Variants in DHCR24 observed in about 807,000 individuals in gnomAD.
DHCR24 encodes the protein delta(24)-sterol reductase.
DHCR24 carries 28 observed loss-of-function variants against 61.2 expected under a neutral mutation model. The observed-to-expected ratio is 0.46, with a 90% confidence interval of 0.34 to 0.63. DHCR24 has a LOEUF of 0.63. DHCR24 is among the 20% of genes least tolerant of loss of function. DHCR24 has a pLI of 0.01. For missense variants in DHCR24, 538 were observed against 679.1 expected, an observed-to-expected ratio of 0.79 and a Z score of 2.31; for synonymous variants, 261 against 275.9, an observed-to-expected ratio of 0.95 and a Z score of 0.54.
intron 6 of DHCR24, among the ~76,000 whole-genome samples, chr1:54,862,070 A>C (rs1056140451): frequency 6.6e-6 from 1 of 152,024 alleles, no homozygotes; most frequent in Non-Finnish European, 1.5e-5. Context: ...TCTCCACCTG[A>C]GCTCAGGAGC....
chr1:54,882,785 TCAAA>T (rs892591348), intron 2 of DHCR24, among the ~76,000 whole-genome samples: 5 of 152,100 alleles, frequency 3.3e-5, no homozygotes, highest in African/African-American at 1.2e-4. Context: ...AACTCTAGAA[TCAAA>T]CTAATTTATA....
intron 4 of DHCR24, among the ~76,000 whole-genome samples, chr1:54,874,234 T>C (rs1460242051): frequency 6.6e-6 from 1 of 152,228 alleles, no homozygotes; most frequent in African/African-American, 2.4e-5. Context: ...TCTACAGTGG[T>C]GTACAGTAAT....
At position 54,871,461 on chromosome 1, in the gene DHCR24, G is replaced by A. The variant is rs763423346; in HGVS notation, c.765C>T (p.Phe255=). ...VRGLEAICAK[F]THESQRQENH... ...TCTCCTGCCGCTGGGACTCGTGGGT[G>A]AACTTGGCACAGATAGCCTCCAGGC... Residue 255 remains phenylalanine, a synonymous_variant, in exon 5 of 9, where the codon TTC becomes TTT. Coordinates refer to ENST00000371269, the MANE Select transcript of DHCR24 (RefSeq NM_014762.4). 2.5e-6 allele frequency: 4 copies of A among 1,614,202 alleles called. No homozygotes were observed. In the South Asian group the frequency reaches 4.4e-5, roughly 18 times the overall value.
intron 4 of DHCR24, among the ~76,000 whole-genome samples, chr1:54,872,114 A>G (rs1647003628): frequency 6.6e-6 from 1 of 152,026 alleles, no homozygotes; most frequent in African/African-American, 2.4e-5. Flanking sequence ...GCCCAGGGAG[A>G]GCGCTAGCAC....
Position 54,871,490 on chromosome 1 carries a change from G to T in DHCR24, c.736C>A (p.Arg246=). 1 of 1,614,226 alleles carries T rather than the reference G, an allele frequency of 6.2e-7. No homozygotes were observed. Reference sequence around the variant, plus strand: ...TTGGCACAGATAGCCTCCAGGCCCCGCACTGGCTCGAAACGCAGCTTGACG... The same window carrying T: ...TTGGCACAGATAGCCTCCAGGCCCCTCACTGGCTCGAAACGCAGCTTGACG... ...KYVKLRFEPV[R]GLEAICAKFT... is the part of the protein sequence containing the mutation. The change falls in exon 5 of 9, where the codon CGG becomes AGG. Residue 246 remains arginine, a synonymous_variant. Transcript: ENST00000371269.
chr1:54,855,221 C>G (rs553002938), intron 6 of DHCR24, among the ~76,000 whole-genome samples: 1 of 152,046 alleles, frequency 6.6e-6, no homozygotes, highest in Non-Finnish European at 1.5e-5. Context: ...GGTGAAACCC[C>G]GTTTCTACTA....
rs370228903 is a variant in DHCR24 at position 54,886,997 on chromosome 1, C to G, written c.123G>C (p.Pro41=). 6.2e-7 allele frequency: 1 copy of G among 1,613,618 alleles called. No homozygotes were observed. The highest frequency in any genetic ancestry group is 8.5e-7 in the Non-Finnish European group (1 of 1,179,732). ...AGTAGATATCGAAGATAAGCGAGAG[C>G]GGCAGGAGGAAGAGGCACACGAACA... ...RWVFVCLFLL[P]LSLIFDIYYY... The change falls in exon 1 of 9, where the codon CCG becomes CCC. Residue 41 remains proline, a synonymous_variant. Coordinates refer to ENST00000371269, the MANE Select transcript of DHCR24 (RefSeq NM_014762.4).
Position 54,886,920 on chromosome 1 carries a change from T to C in DHCR24, c.200A>G (p.His67Arg), listed in dbSNP as rs1647102231. 6.2e-7 allele frequency: 1 copy of C among 1,613,284 alleles called. No homozygotes were observed. Among genetic ancestry groups the C allele is most frequent in the Non-Finnish European group, 8.5e-7 (1 of 1,179,590 alleles). Residue 67 changes from histidine to arginine, a missense_variant, in exon 1 of 9, where the codon CAC (histidine) becomes CGC (arginine). Transcript: ENST00000371269. ...VFKLSSAPRL[H>R]EQRVRDIQKQ... is the part of the protein sequence containing the mutation. ...CTGGATGTCCCGCACGCGCTGCTCG[T>C]GCAGGCGCGGAGCGCTGCTGAGCTT...
intron 6 of DHCR24, among the ~76,000 whole-genome samples, chr1:54,857,326 A>G (rs1000773825): frequency 6.6e-6 from 1 of 152,250 alleles, no homozygotes; most frequent in Non-Finnish European, 1.5e-5. Context: ...GCCCAGCCTG[A>G]GCCAGGAACC....
At chr1:54,884,324 A>G (rs559496923) in intron 1 of DHCR24, among the ~76,000 whole-genome samples, 4 of 152,372 alleles carry the variant, frequency 2.6e-5, no homozygotes, top group African/African-American at 9.6e-5. Flanking sequence ...TTGTGGTAAC[A>G]GTTCACAGGG....
At chr1:54,884,843 T>C (rs1647084208) in intron 1 of DHCR24, among the ~76,000 whole-genome samples, 3 of 152,144 alleles carry the variant, frequency 2.0e-5, no homozygotes, top group African/African-American at 2.4e-5. Flanking sequence ...CGGTTGGATA[T>C]GAGCCAGAAA....
rs1361599121 is a variant in DHCR24 at position 54,883,151 on chromosome 1, T to C, written c.387+467A>G. 6.6e-6 allele frequency among the ~76,000 whole-genome samples: 1 copy of C among 152,202 alleles called. No homozygotes were observed. Among genetic ancestry groups the C allele is most frequent in the African/African-American group, 2.4e-5 (1 of 41,450 alleles). On this transcript the variant is annotated intron_variant, in intron 2 of 8. Transcript: ENST00000371269. The surrounding 1 kb of genome is among the most constrained non-coding windows in gnomAD (Gnocchi z 4.3). Reference sequence around the variant, plus strand: ...AATCACTCTGTGTTGGGTATCTTTATACTGAAGCCTATTTCCTTTTTCCTT... The same window carrying C: ...AATCACTCTGTGTTGGGTATCTTTACACTGAAGCCTATTTCCTTTTTCCTT...
chr1:54,873,076 G>T (rs925411210), intron 4 of DHCR24, among the ~76,000 whole-genome samples: 3 of 152,218 alleles, frequency 2.0e-5, no homozygotes, highest in Admixed American at 6.5e-5. Context: ...ATCCCAGTTT[G>T]GGTGGTAGAA....
intron 6 of DHCR24, among the ~76,000 whole-genome samples, chr1:54,863,935 C>T (rs1377615651): frequency 6.6e-6 from 1 of 152,152 alleles, no homozygotes; most frequent in Non-Finnish European, 1.5e-5. Flanking sequence ...AAACGGTTAA[C>T]ATGCATATAA....
intron 5 of DHCR24, among the ~76,000 whole-genome samples, chr1:54,866,211 G>A (rs1179209906): frequency 6.6e-6 from 1 of 152,162 alleles, no homozygotes; most frequent in African/African-American, 2.4e-5. Context: ...AGGGTGGGCA[G>A]CTGGGGACAC....
rs1646889583 is a variant in DHCR24, at chr1:54,853,499, A to G, written c.1332T>C (p.Arg444=). 3.7e-6 allele frequency: 6 copies of G among 1,614,164 alleles called. No homozygotes were observed. The East Asian group carries it at 1.1e-4, about 30-fold the overall frequency. The change falls in exon 8 of 9, where the codon CGT becomes CGC. Residue 444 remains arginine, a synonymous_variant. Coordinates refer to ENST00000371269, the MANE Select transcript of DHCR24 (RefSeq NM_014762.4). ...AGGACCTGGCTTCAAAGTGTTTCAC[A>G]CGCGGCTCCCCATATGCTCCAATGT... is the stretch of plus-strand genomic sequence containing the variant. ...YIDIGAYGEP[R]VKHFEARSCM... is the part of the protein sequence containing the mutation.
In DHCR24 at chr1:54,875,192, T is replaced by G; in HGVS notation, c.513A>C (p.Thr171=). 1 of 1,614,166 alleles carries G rather than the reference T, an allele frequency of 6.2e-7. No homozygotes were observed. ...DLTVGGLIMG[T]GIESSSHKYG... ...ACTTGTGGGATGATGACTCGATGCC[T>G]GTGCCCATGATCAAGCCCCCTGCAG... is the stretch of plus-strand genomic sequence containing the variant. The change falls in exon 4 of 9, where the codon ACA becomes ACC. Residue 171 remains threonine, a synonymous_variant. Transcript: ENST00000371269.
intron 1 of DHCR24, among the ~76,000 whole-genome samples, chr1:54,885,260 G>A (rs1048720928): frequency 2.0e-5 from 3 of 152,142 alleles, no homozygotes; most frequent in South Asian, 2.1e-4. Flanking sequence ...ACCAGGTCTC[G>A]TCCCTGCCTG....
At chr1:54,884,374 C>A (rs564249583) in intron 1 of DHCR24, among the ~76,000 whole-genome samples, 2 of 152,236 alleles carry the variant, frequency 1.3e-5, no homozygotes, top group South Asian at 4.2e-4. Flanking sequence ...CATGCCAAGG[C>A]CTGTTTAAAC....
Sources: allele counts gnomAD v4.1 joint callset (sites outside exome capture counted in the v4.1 genomes callset), GRCh38; gene constraint gnomAD v4.1.1; non-coding constraint Gnocchi (gnomAD v3.1); transcripts MANE v1.5; gene names NCBI Gene and HGNC (gene_info 2026-07-23, HGNC 2026-07-21).